Variants in KRT8 observed in about 807,000 individuals in gnomAD.
KRT8 encodes the protein keratin, type II cytoskeletal 8.
KRT8 carries 24 observed loss-of-function variants against 43.0 expected under a neutral mutation model. That is an observed-to-expected ratio of 0.56 (90% CI 0.40 to 0.78). The LOEUF is 0.78. Ranked by LOEUF, KRT8 falls within the 30% of genes least tolerant of loss-of-function variation. The pLI is 0.00. For missense variants in KRT8, 492 were observed against 638.4 expected, an observed-to-expected ratio of 0.77 and a Z score of 2.47; for synonymous variants, 214 against 261.2, an observed-to-expected ratio of 0.82 and a Z score of 1.74.
At chr12:52,937,452 C>T (rs1942186226) in intron 2 of KRT8, among the ~76,000 whole-genome samples, 2 of 151,620 alleles carry the variant, frequency 1.3e-5, no homozygotes, top group South Asian at 2.1e-4. Context: ...CTTTGGGAGG[C>T]TGAGGCGGGA....
At chr12:52,920,872 C>A (rs1941870125) in intron 2 of KRT8, among the ~76,000 whole-genome samples, 1 of 152,204 alleles carries the variant, frequency 6.6e-6, no homozygotes, top group Non-Finnish European at 1.5e-5. Flanking sequence ...ATAGCAAGAC[C>A]CTGCATGTGT....
At chr12:52,897,580 C>A in exon 8 of KRT8, 1 of 1,598,104 alleles carries the variant, frequency 6.3e-7, no homozygotes, top group Non-Finnish European at 8.5e-7. Context: ...TAGCTGAGGC[C>A]GGGGCTTGTG....
At chr12:52,923,999 C>A (rs1313508497) in intron 2 of KRT8, among the ~76,000 whole-genome samples, 1 of 151,896 alleles carries the variant, frequency 6.6e-6, no homozygotes, top group Non-Finnish European at 1.5e-5. Flanking sequence ...CGCCCGCCAC[C>A]ACGCCTGGCT....
chr12:52,919,650 A>G (rs1167782169), intron 2 of KRT8, among the ~76,000 whole-genome samples: 1 of 151,542 alleles, frequency 6.6e-6, no homozygotes, highest in Non-Finnish European at 1.5e-5. Flanking sequence ...ATTTTATTTT[A>G]GTCTATTTTA....
rs774729634 is a variant in KRT8 at position 52,899,762 on chromosome 12, A to G, written c.981+13T>C. 16 of 1,609,588 alleles carry G rather than the reference A, an allele frequency of 9.9e-6. No individual in the cohort carries two copies. The highest frequency in any genetic ancestry group is 3.3e-5 in the South Asian group (3 of 90,850). ...GTCCAAGGAACCCCTCCCACCCCCA[A>G]CCCGGCCCATACCTGGCCTTTGAGG... On this transcript the variant is annotated intron_variant, in intron 5 of 7. Transcript: ENST00000692008.
chr12:52,942,125 A>G (rs2120735062), intron 2 of KRT8, among the ~76,000 whole-genome samples: 1 of 152,202 alleles, frequency 6.6e-6, no homozygotes, highest in South Asian at 2.1e-4. Context: ...CCAGGTCACT[A>G]TTGGTGGAAG....
chr12:52,909,600 C>T (rs1339395874), upstream of KRT8, among the ~76,000 whole-genome samples: 2 of 152,194 alleles, frequency 1.3e-5, no homozygotes, highest in African/African-American at 4.8e-5. Flanking sequence ...AATGGACTGC[C>T]TAGAGAGGGA....
chr12:52,938,230 A>T (rs182246416), intron 2 of KRT8, among the ~76,000 whole-genome samples: 2 of 135,016 alleles, frequency 1.5e-5, no homozygotes, highest in African/African-American at 5.5e-5. Context: ...GTGCAGGGCC[A>T]TGACCTTAGC....
intron 2 of KRT8, among the ~76,000 whole-genome samples, chr12:52,927,563 G>A (rs7961298): frequency 1.1e-4 from 17 of 152,174 alleles, no homozygotes; most frequent in African/African-American, 3.4e-4. Flanking sequence ...GTGGAGTCGC[G>A]AGGGCCCTGC....
intron 2 of KRT8, among the ~76,000 whole-genome samples, chr12:52,945,247 C>T (rs895601436): frequency 6.6e-6 from 1 of 152,122 alleles, no homozygotes. Flanking sequence ...TGGGTATACC[C>T]TCCACTGAGA....
chr12:52,918,197 A>AAGAAGAAGAAGAAGG lies in KRT8; in HGVS notation c.-46-13171_-46-13170insCCTTCTTCTTCTTCT, dbSNP rs1565725657. Among the ~76,000 whole-genome samples the AAGAAGAAGAAGAAGG allele has an allele frequency of 7.3e-5, 9 of 123,480 alleles. 1 individual carries two copies. Among genetic ancestry groups the AAGAAGAAGAAGAAGG allele is most frequent in the African/African-American group, 2.0e-4 (6 of 30,286 alleles). The allele number at this position is 123,480 out of a possible 152,430, so 81.0% of individuals were successfully genotyped here. Reference sequence around the variant, plus strand: ...GAGGAAGAGGAAGAAGAAGAAGAAGAAGAAGAACAAGAAGAAGAAGAAGAA... The same window carrying AAGAAGAAGAAGAAGG: ...GAGGAAGAGGAAGAAGAAGAAGAAGAAGAAGAAGAAGAAGGAGAAGAACAAGAAGAAGAAGAAGAA... On this transcript the variant is annotated intron_variant, in intron 2 of 6. Transcript: ENST00000546826.
chr12:52,933,189 G>A (rs374620319), intron 2 of KRT8, among the ~76,000 whole-genome samples: 8 of 152,120 alleles, frequency 5.3e-5, no homozygotes, highest in Admixed American at 3.3e-4. Context: ...CAGGCAATCT[G>A]CCCACCTCAG....
intron 2 of KRT8, among the ~76,000 whole-genome samples, chr12:52,918,895 G>C (rs1165518199): frequency 3.3e-5 from 5 of 152,076 alleles, no homozygotes; most frequent in Non-Finnish European, 7.3e-5. Context: ...TTTAAGCCTT[G>C]TGTTTCCCTG....
At chr12:52,906,289 A>G (rs989456579), upstream of KRT8, among the ~76,000 whole-genome samples, 1 of 152,076 alleles carries the variant, frequency 6.6e-6, no homozygotes, top group Non-Finnish European at 1.5e-5. Flanking sequence ...CAGGGACTTC[A>G]TAGTTCTTGC....
rs200251061 is a variant in KRT8 at position 52,938,152 on chromosome 12, ATATATATATATATATATATTTT to A, written c.-47+11282_-47+11303del. Among the ~76,000 whole-genome samples the A allele has an allele frequency of 4.0e-4, 13 of 32,468 alleles. 1 individual carries two copies. In the East Asian group the frequency reaches 7.0e-3, roughly 17 times the overall value. 21.3% of individuals were successfully genotyped at this position (32,468 alleles called of 152,430 possible). A position where few individuals can be genotyped will look rare whatever the true frequency, so the allele number is the denominator to read the frequency against. On this transcript the variant is annotated intron_variant, in intron 2 of 6. Transcript: ENST00000546826. ...ACTAGAAAGCTATATATATATATATATATATATATATATATATATTTTTTTTTTTTTTTATATATAAGGTCTT... is the reference window on the plus strand; with the variant it reads ...ACTAGAAAGCTATATATATATATATATTTTTTTTTTTATATATAAGGTCTT...
intron 2 of KRT8, among the ~76,000 whole-genome samples, chr12:52,927,994 G>C (rs1942022093): frequency 6.6e-6 from 1 of 152,212 alleles, no homozygotes; most frequent in Non-Finnish European, 1.5e-5. Context: ...GGAGGCGCAG[G>C]TTGCAGTGAG....
upstream of KRT8, among the ~76,000 whole-genome samples, chr12:52,911,532 AAC>A (rs1242109830): frequency 6.6e-6 from 1 of 152,184 alleles, no homozygotes; most frequent in Non-Finnish European, 1.5e-5. Context: ...CTGTAACAAT[AAC>A]ACATACAGTG....
chr12:52,919,971 GA>G (rs1157511680), intron 2 of KRT8, among the ~76,000 whole-genome samples: 1 of 152,148 alleles, frequency 6.6e-6, no homozygotes, highest in Non-Finnish European at 1.5e-5. Flanking sequence ...ACTAATCCAT[GA>G]GGAAGGTAAC....
At chr12:52,913,368 G>A (rs964638198) in intron 2 of KRT8, among the ~76,000 whole-genome samples, 5 of 152,112 alleles carry the variant, frequency 3.3e-5, no homozygotes, top group East Asian at 1.9e-4. Context: ...CACCACCACC[G>A]TCAACAAAAG....
Sources: gnomAD v4.1 joint callset for allele counts (sites outside exome capture counted in the v4.1 genomes callset) on GRCh38, gnomAD v4.1.1 for gene constraint, MANE v1.5 for transcripts, NCBI Gene and HGNC (gene_info 2026-07-23, HGNC 2026-07-21) for gene names.